ASIC2: variants seen among roughly 807,000 people sequenced by gnomAD.
ASIC2 encodes acid-sensing ion channel 2.
A neutral mutation model predicts 57.3 loss-of-function variants in ASIC2; 25 were observed. The observed-to-expected ratio is 0.44, with a 90% CI of 0.32 to 0.61. The LOEUF is 0.61. Ranked by LOEUF, ASIC2 falls within the 20% of genes least tolerant of loss-of-function variation. The pLI, the probability that ASIC2 is intolerant of heterozygous loss-of-function variation, is 0.06. For missense variants in ASIC2, 641 were observed against 738.1 expected, an observed-to-expected ratio of 0.87 and a Z score of 1.52; for synonymous variants, 319 against 307.5, an observed-to-expected ratio of 1.04 and a Z score of -0.39.
At chr17:33,449,866 C>T (rs1052600636) in intron 1 of ASIC2, among the ~76,000 whole-genome samples, 6 of 151,946 alleles carry the variant, frequency 3.9e-5, no homozygotes, top group Non-Finnish European at 7.4e-5. Context: ...CCTCTGCTTC[C>T]CAGGTTCAAG....
intron 1 of ASIC2, among the ~76,000 whole-genome samples, chr17:34,142,408 C>T (rs979403977): frequency 1.3e-5 from 2 of 152,058 alleles, no homozygotes; most frequent in Non-Finnish European, 2.9e-5. Flanking sequence ...AAAGTTTGTG[C>T]GTAGGTGGGG....
intron 1 of ASIC2, among the ~76,000 whole-genome samples, chr17:33,764,823 G>C (rs1293383111): frequency 6.6e-6 from 1 of 151,290 alleles, no homozygotes; most frequent in African/African-American, 2.5e-5. Flanking sequence ...ATAGCAATGG[G>C]TATGTAAGAT....
At chr17:33,361,988 G>T (rs1199600020) in intron 1 of ASIC2, among the ~76,000 whole-genome samples, 2 of 151,998 alleles carry the variant, frequency 1.3e-5, no homozygotes, top group African/African-American at 2.4e-5. Context: ...TCTTCCAGAC[G>T]AATTTAATTA....
chr17:33,285,011 C>T (rs1194180511), intron 1 of ASIC2, among the ~76,000 whole-genome samples: 2 of 152,166 alleles, frequency 1.3e-5, no homozygotes, highest in Non-Finnish European at 2.9e-5. Flanking sequence ...GCTTAATGTG[C>T]ATTGACTCCA....
chr17:34,031,884 G>A (rs1907628562), intron 1 of ASIC2, among the ~76,000 whole-genome samples: 2 of 152,322 alleles, frequency 1.3e-5, no homozygotes, highest in East Asian at 3.9e-4. Flanking sequence ...ATCTACGTCT[G>A]ATTGATTTAC....
At chr17:33,282,561 G>A (rs1035053206) in intron 1 of ASIC2, among the ~76,000 whole-genome samples, 7 of 151,786 alleles carry the variant, frequency 4.6e-5, no homozygotes, top group African/African-American at 1.5e-4. Flanking sequence ...TATAACCTCC[G>A]CCTCCCAGGT....
At chr17:33,640,461 A>G (rs1341806456) in intron 1 of ASIC2, among the ~76,000 whole-genome samples, 1 of 152,224 alleles carries the variant, frequency 6.6e-6, no homozygotes, top group Non-Finnish European at 1.5e-5. Context: ...CTCCTGATCC[A>G]CCTGGATTAG....
chr17:33,819,182 G>A (rs997876621), intron 1 of ASIC2, among the ~76,000 whole-genome samples: 3 of 152,202 alleles, frequency 2.0e-5, no homozygotes, highest in Admixed American at 2.0e-4. Context: ...ATGGAGGCTG[G>A]AACAGTGCAA....
At chr17:33,616,773 G>C (rs1160042216) in intron 1 of ASIC2, among the ~76,000 whole-genome samples, 1 of 152,250 alleles carries the variant, frequency 6.6e-6, no homozygotes, top group Non-Finnish European at 1.5e-5. Flanking sequence ...AGATTTCTGA[G>C]ATAGAAGAGC....
At chr17:33,132,678 C>A (rs998655196) in intron 1 of ASIC2, among the ~76,000 whole-genome samples, 3 of 152,214 alleles carry the variant, frequency 2.0e-5, no homozygotes, top group African/African-American at 7.2e-5. Context: ...GTTTTCCAGA[C>A]CAGTTTAATG....
chr17:33,904,561 G>C (rs754696142), intron 1 of ASIC2, among the ~76,000 whole-genome samples: 11 of 152,156 alleles, frequency 7.2e-5, no homozygotes, highest in Non-Finnish European at 1.6e-4. Context: ...GAGAACCACT[G>C]GTCTAACCCA....
intron 1 of ASIC2, among the ~76,000 whole-genome samples, chr17:33,687,602 C>A (rs1256333751): frequency 6.6e-6 from 1 of 152,180 alleles, no homozygotes; most frequent in Admixed American, 6.5e-5. Context: ...CCCCAGCCCA[C>A]GCAGCTCTCA....
At chr17:33,879,288 C>T (rs934881006) in intron 1 of ASIC2, among the ~76,000 whole-genome samples, 1 of 152,164 alleles carries the variant, frequency 6.6e-6, no homozygotes, top group African/African-American at 2.4e-5. Flanking sequence ...GGGCTAAATG[C>T]TCCAATTAAA....
At chr17:33,947,525 G>T (rs867996508) in intron 1 of ASIC2, among the ~76,000 whole-genome samples, 1 of 152,232 alleles carries the variant, frequency 6.6e-6, no homozygotes, top group South Asian at 2.1e-4. Context: ...GCTGGGTTTT[G>T]AAGGATAAGT....
intron 1 of ASIC2, among the ~76,000 whole-genome samples, chr17:33,527,624 T>C (rs1022289278): frequency 2.0e-5 from 3 of 152,190 alleles, no homozygotes; most frequent in Non-Finnish European, 4.4e-5. Context: ...TCGTGAACAA[T>C]GGGAATATCA....
chr17:33,977,396 G>T (rs1461371543), intron 1 of ASIC2, among the ~76,000 whole-genome samples: 1 of 152,186 alleles, frequency 6.6e-6, no homozygotes, highest in East Asian at 1.9e-4. Flanking sequence ...TGTGCTGGGA[G>T]GTTGTGGCAT....
At chr17:33,517,582 T>C (rs1403591883) in intron 1 of ASIC2, among the ~76,000 whole-genome samples, 4 of 151,454 alleles carry the variant, frequency 2.6e-5, no homozygotes, top group Non-Finnish European at 5.9e-5. Context: ...TTAACTGGGG[T>C]TGGAGAATCT....
Position 33,803,199 on chromosome 17 carries a change from C to G in ASIC2, c.555+352779G>C, listed in dbSNP as rs1912178688. 3.9e-5 allele frequency among the ~76,000 whole-genome samples: 6 copies of G among 152,292 alleles called. No homozygotes were observed. The South Asian group carries it at 1.2e-3, about 32-fold the overall frequency. ...TCCAAGCACTCTACATCTCTGACCA[C>G]TATTGTTAGGTGAAAACATCAGGGG... On this transcript the variant is annotated intron_variant, in intron 1 of 9. Coordinates refer to the ASIC2 transcript ENST00000359872.
chr17:33,253,058 GT>G (rs764471082), intron 1 of ASIC2, among the ~76,000 whole-genome samples: 5 of 152,178 alleles, frequency 3.3e-5, no homozygotes, highest in Non-Finnish European at 5.9e-5. Flanking sequence ...TGGACACCGT[GT>G]TAATGCCTTT....
Sources: allele counts gnomAD v4.1 joint callset (sites outside exome capture counted in the v4.1 genomes callset), GRCh38; gene constraint gnomAD v4.1.1; transcripts MANE v1.5; gene names NCBI Gene and HGNC (gene_info 2026-07-23, HGNC 2026-07-21).